The following RILPL2 variants were observed in gnomAD, a reference collection of about 807,000 sequenced individuals.
The protein encoded by RILPL2 is RILP-like protein 2.
In RILPL2, 19 loss-of-function variants were observed where a neutral mutation model predicts 22.2. The observed-to-expected ratio is 0.86, with a 90% confidence interval of 0.60 to 1.25. The LOEUF is 1.25. Among genes scored for constraint, RILPL2 ranks in the 50% most tolerant of loss-of-function variants. The pLI is 0.00. For missense variants in RILPL2, 243 were observed against 263.6 expected (o/e 0.92, Z 0.54); for synonymous variants, 123 against 111.6 (o/e 1.10, Z -0.64).
chr12:123,423,157 A>C lies in RILPL2; in HGVS notation c.492T>G (p.Ser164Arg). 1 of 1,585,628 alleles carries C rather than the reference A, an allele frequency of 6.3e-7. No individual in the cohort carries two copies. Among genetic ancestry groups the C allele is most frequent in the Non-Finnish European group, 8.6e-7 (1 of 1,161,834 alleles). ...VVQEELQCYK[S>R]GLIPPREGPG... ...GGCCTTCTCTTGGTGGAATCAGGCC[A>C]CTGGGAAACGGGACAAAAAATAAAT... Residue 164 changes from serine (S) to arginine (R), a missense_variant and splice_region_variant, in exon 3 of 4, where the codon AGT becomes AGG. Transcript: ENST00000280571.
At chr12:123,409,493 T>C in the RILPL2 span, 1 of 152,098 alleles carries the variant, frequency 6.6e-6, no homozygotes, top group Non-Finnish European at 1.5e-5. Context: ...CTGAGCTCTT[T>C]CGTTTCCTCA....
intron 1 of RILPL2, among the ~76,000 whole-genome samples, chr12:123,432,460 C>G (rs1203560910): frequency 6.6e-6 from 1 of 152,146 alleles, no homozygotes; most frequent in African/African-American, 2.4e-5. Flanking sequence ...GAGCAGTGTT[C>G]AAACCACTGC....
chr12:123,415,590 C>T lies in RILPL2; in HGVS notation c.*301G>A, dbSNP rs1390511959. ...GATGAGTAGGACACGCGTCTGCACGCTGGAGGCCCTGGGGGTTGACATGGG... is the reference window on the plus strand; with the variant it reads ...GATGAGTAGGACACGCGTCTGCACGTTGGAGGCCCTGGGGGTTGACATGGG... On this transcript the variant is annotated 3_prime_UTR_variant, in exon 4 of 4. Coordinates refer to ENST00000280571, the MANE Select transcript of RILPL2 (RefSeq NM_145058.3). 3 of 493,672 alleles carry T rather than the reference C, an allele frequency of 6.1e-6. No individual in the cohort carries two copies. Among genetic ancestry groups the T allele is most frequent in the Non-Finnish European group, 1.1e-5 (3 of 272,688 alleles). The allele number at this position is 493,672 out of a possible 1,614,324, so 30.6% of individuals were successfully genotyped here.
intron 2 of RILPL2, among the ~76,000 whole-genome samples, chr12:123,423,713 G>C (rs1450167876): frequency 6.6e-6 from 1 of 151,474 alleles, no homozygotes; most frequent in African/African-American, 2.4e-5. Flanking sequence ...GAGTGCAGTG[G>C]CGCGATCTCG....
intron 3 of RILPL2, among the ~76,000 whole-genome samples, chr12:123,420,216 G>A (rs1331361520): frequency 6.6e-6 from 1 of 151,544 alleles, no homozygotes; most frequent in Non-Finnish European, 1.5e-5. Flanking sequence ...TAGTAGAGAC[G>A]TGGTTTCACC....
intron 2 of RILPL2, among the ~76,000 whole-genome samples, chr12:123,429,990 C>T (rs1262219078): frequency 1.3e-5 from 2 of 150,224 alleles, no homozygotes; most frequent in Admixed American, 6.7e-5. Flanking sequence ...GTGGCATGCA[C>T]CTGTGGTCTC....
Position 123,436,080 on chromosome 12 carries a change from A to G in RILPL2, c.339+2T>C. ...GCCCGGAACCCTCGCTCCCACACTC[A>G]CCTCCCCGCTGGCCGGAGGGCTCTG... On this transcript the variant is annotated splice_donor_variant, in intron 1 of 3. Coordinates refer to ENST00000280571, the MANE Select transcript of RILPL2 (RefSeq NM_145058.3). LOFTEE classifies it high-confidence loss of function. The surrounding 1 kb of genome is among the most constrained non-coding windows in gnomAD (Gnocchi z 6.7). 1 of 1,566,740 alleles carries G rather than the reference A, an allele frequency of 6.4e-7. No homozygotes were observed.
At chr12:123,432,229 G>C (rs1360323345) in intron 1 of RILPL2, among the ~76,000 whole-genome samples, 1 of 152,184 alleles carries the variant, frequency 6.6e-6, no homozygotes, top group Admixed American at 6.6e-5. Context: ...AAAGGGGTCA[G>C]GAATAGTGGC....
chr12:123,436,024 G>C lies in RILPL2; in HGVS notation c.339+58C>G, dbSNP rs1472084667. 1.3e-6 allele frequency: 2 copies of C among 1,516,486 alleles called. No individual in the cohort carries two copies. Among genetic ancestry groups the C allele is most frequent in the Non-Finnish European group, 8.8e-7 (1 of 1,131,168 alleles). 93.9% of individuals were successfully genotyped at this position (1,516,486 alleles called of 1,614,324 possible). On this transcript the variant is annotated intron_variant, in intron 1 of 3. Transcript: ENST00000280571. This position sits in a 1 kb window ranked among gnomAD's most constrained non-coding sequence, Gnocchi z 6.7. The stretch of plus-strand genomic sequence containing the variant: ...AAAGGAAGGCGTCTCCCTGCCAGTA[G>C]GTGCCCTCCTACGCCCCGCAGGCGC...
At chr12:123,430,380 G>A (rs1382063586) in intron 2 of RILPL2, 128 bp downstream of exon 2, 2 of 895,980 alleles carry the variant, frequency 2.2e-6, no homozygotes, top group Non-Finnish European at 3.1e-6. Context: ...CTGCACTCCA[G>A]CCTGGGCGAC....
At chr12:123,419,715 T>A (rs1879221679) in intron 3 of RILPL2, among the ~76,000 whole-genome samples, 1 of 150,594 alleles carries the variant, frequency 6.6e-6, no homozygotes, top group East Asian at 2.0e-4. Context: ...AAGTGATTAT[T>A]CTACTTCAGC....
intron 1 of RILPL2, among the ~76,000 whole-genome samples, chr12:123,434,165 TC>T (rs1264314799): frequency 1.3e-5 from 2 of 152,060 alleles, no homozygotes; most frequent in Non-Finnish European, 2.9e-5. Flanking sequence ...AGGCCTGTAA[TC>T]CCAGCACTTT....
intron 1 of RILPL2, among the ~76,000 whole-genome samples, chr12:123,432,498 C>G (rs542728062): frequency 6.6e-6 from 1 of 152,032 alleles, no homozygotes; most frequent in African/African-American, 2.4e-5. Flanking sequence ...AAAGTGAGAC[C>G]CTGTCTCAAA....
rs576327229 is a variant in RILPL2, at chr12:123,430,269, C to T, written c.491+239G>A. On this transcript the variant is annotated intron_variant, in intron 2 of 3. Coordinates refer to ENST00000280571, the MANE Select transcript of RILPL2 (RefSeq NM_145058.3). Reference sequence around the variant, plus strand: ...CTAAAAATACAAAAAATTAGCCAGGCACGGTGGCGGGCGCCTGTAGTCCCA... The same window carrying T: ...CTAAAAATACAAAAAATTAGCCAGGTACGGTGGCGGGCGCCTGTAGTCCCA... 2.3e-4 allele frequency among the ~76,000 whole-genome samples: 34 copies of T among 150,076 alleles called. No individual in the cohort carries two copies. In the South Asian group the frequency reaches 4.8e-3, roughly 21 times the overall value.
intron 2 of RILPL2, among the ~76,000 whole-genome samples, chr12:123,424,451 C>T (rs981828492): frequency 5.3e-5 from 8 of 151,838 alleles, no homozygotes; most frequent in Non-Finnish European, 1.2e-4. Flanking sequence ...CCTGCCTCAG[C>T]CTCCCAAGTA....
chr12:123,412,630 A>G (rs28569885), downstream of RILPL2: 101,088 of 152,128 alleles, frequency 0.66, 37,233 homozygotes, highest in East Asian at 1. Context: ...TGAGGACCTT[A>G]GACAAGACTT....
intron 1 of RILPL2, among the ~76,000 whole-genome samples, chr12:123,435,743 G>GA (rs897045936): frequency 5.3e-5 from 8 of 150,810 alleles, no homozygotes; most frequent in Non-Finnish European, 8.9e-5. Flanking sequence ...TGTGTCAAAA[G>GA]AAAAAAAAAG....
rs751966325 is a variant in RILPL2, at chr12:123,430,550, G to A, written c.449C>T (p.Ser150Leu). The A allele has an allele frequency of 5.6e-6, 9 of 1,612,030 alleles. No homozygotes were observed. Among genetic ancestry groups the A allele is most frequent in the East Asian group, 4.5e-5 (2 of 44,752 alleles). Residue 150 changes from serine (S) to leucine (L), a missense_variant, in exon 2 of 4, where the codon TCG (serine) becomes TTG (leucine). Transcript: ENST00000280571. ...DVLQERNKLK[S>L]QLLVVQEELQ... ...CTCTTCCTGCACCACCAGGAGCTGC[G>A]ACTTGAGTTTGTTGCGTTCCTGCAG...
intron 1 of RILPL2, 113 bp from the exon 2 acceptor site, chr12:123,430,772 A>G (rs1050393901): frequency 5.9e-6 from 5 of 849,786 alleles, no homozygotes; most frequent in Non-Finnish European, 7.4e-6. Flanking sequence ...CCATGGCACA[A>G]TCTTGGCTCC....
Sources: gnomAD v4.1 joint callset for allele counts (sites outside exome capture counted in the v4.1 genomes callset) on GRCh38, gnomAD v4.1.1 for gene constraint, Gnocchi (gnomAD v3.1) non-coding constraint, MANE v1.5 for transcripts, NCBI Gene and HGNC (gene_info 2026-07-23, HGNC 2026-07-21) for gene names.